Variants in ULBP2 observed in about 807,000 individuals in gnomAD.
The protein encoded by ULBP2 is UL16-binding protein 2.
In ULBP2, 21 loss-of-function variants were observed where a neutral mutation model predicts 23.6. The ratio of observed to expected loss-of-function variants is 0.89; its 90% CI spans 0.63 to 1.28. The LOEUF is 1.28. Ranked by LOEUF, ULBP2 falls within the 50% of genes most tolerant of loss-of-function variation. The pLI is 0.00. For synonymous variants in ULBP2, 82 were observed against 112.8 expected, an observed-to-expected ratio of 0.73 and a Z score of 1.73; for missense variants, 251 against 306.0, an observed-to-expected ratio of 0.82 and a Z score of 1.34.
intron 2 of ULBP2, 43 bp downstream of exon 2, chr6:149,945,615 G>A: frequency 6.2e-7 from 1 of 1,613,894 alleles, no homozygotes; most frequent in South Asian, 1.1e-5. Flanking sequence ...CAGATACAGT[G>A]GTAGGTTAGA....
intron 2 of ULBP2, among the ~76,000 whole-genome samples, 166 bp from the exon 3 acceptor site, chr6:149,946,206 C>CAA (rs67763917): frequency 0.25 from 31,648 of 125,568 alleles, 4,241 homozygotes; most frequent in East Asian, 0.66. Context: ...GACCCTTTCT[C>CAA]AAAAAAAAAA....
At chr6:149,947,054 G>A (rs1026516932) in intron 3 of ULBP2, among the ~76,000 whole-genome samples, 1 of 151,930 alleles carries the variant, frequency 6.6e-6, no homozygotes, top group African/African-American at 2.4e-5. Flanking sequence ...CCCCAACTCT[G>A]GGGCATCACC....
chr6:149,946,923 G>C (rs1230470081), intron 3 of ULBP2, among the ~76,000 whole-genome samples: 2 of 152,096 alleles, frequency 1.3e-5, no homozygotes, highest in African/African-American at 4.8e-5. Context: ...AGGTGTCACT[G>C]TTTTCAGACC....
chr6:149,942,459 C>T (rs1472308557), intron 1 of ULBP2, among the ~76,000 whole-genome samples: 1 of 152,094 alleles, frequency 6.6e-6, no homozygotes, highest in Non-Finnish European at 1.5e-5. Flanking sequence ...CAGTCCCACC[C>T]GCCCTCGGGA....
intron 1 of ULBP2, among the ~76,000 whole-genome samples, chr6:149,942,532 C>T (rs1163748795): frequency 6.6e-6 from 1 of 152,120 alleles, no homozygotes; most frequent in East Asian, 1.9e-4. Context: ...CGGGATTCCA[C>T]AGGGACGCGA....
rs368437980 is a variant in ULBP2, at chr6:149,942,882, T to A, written c.85+725T>A. ...CCAGCAAACACACCCCAAGCTCCCC[T>A]CAGAACCTGTGCAGGGGGGATGGGA... On this transcript the variant is annotated intron_variant, in intron 1 of 4. Coordinates refer to ENST00000367351, the MANE Select transcript of ULBP2 (RefSeq NM_025217.4). Among the ~76,000 whole-genome samples the A allele has an allele frequency of 3.7e-3, 563 of 152,086 alleles. 2 individuals are homozygous for A. The highest frequency in any genetic ancestry group is 0.013 in the African/African-American group (536 of 41,456).
intron 1 of ULBP2, 135 bp downstream of exon 1, chr6:149,942,292 G>A: frequency 1.1e-6 from 1 of 922,194 alleles, no homozygotes; most frequent in Non-Finnish European, 1.5e-6. Context: ...GTTCAGTTCC[G>A]GTCGGCGGCT....
chr6:149,948,111 T>A (rs1031568743), intron 4 of ULBP2, among the ~76,000 whole-genome samples: 5 of 152,146 alleles, frequency 3.3e-5, no homozygotes, highest in Admixed American at 6.5e-5. Context: ...GCAGCTCCCC[T>A]GCCATCATCC....
At chr6:149,947,153 C>T (rs1778955430) in intron 3 of ULBP2, among the ~76,000 whole-genome samples, 167 bp from the exon 4 acceptor site, 1 of 151,950 alleles carries the variant, frequency 6.6e-6, no homozygotes, top group South Asian at 2.1e-4. Context: ...AAGACTCACC[C>T]CGTCTCCCTT....
rs1199058147 is a variant in ULBP2, at chr6:149,947,456, T to A, written c.*22+5T>A. The stretch of plus-strand genomic sequence containing the variant: ...GAGAGTCCTTTAGAGTGACAGGTAC[T>A]GTGGGCAGAATTGGAAGTGGAGCAA... On this transcript the variant is annotated splice_donor_5th_base_variant and intron_variant, in intron 4 of 4. Coordinates refer to ENST00000367351, the MANE Select transcript of ULBP2 (RefSeq NM_025217.4). The A allele has an allele frequency of 7.7e-7, 1 of 1,292,698 alleles. No homozygotes were observed. The highest frequency in any genetic ancestry group is 2.2e-5 in the Admixed American group (1 of 45,728). 80.1% of individuals were successfully genotyped at this position (1,292,698 alleles called of 1,614,324 possible).
intron 4 of ULBP2, among the ~76,000 whole-genome samples, chr6:149,947,903 G>C (rs1406331383): frequency 6.6e-6 from 1 of 151,812 alleles, no homozygotes; most frequent in South Asian, 2.1e-4. Flanking sequence ...AGAGATCTGG[G>C]TGTAATCCCA....
chr6:149,945,901 A>G (rs1778931334), intron 2 of ULBP2, among the ~76,000 whole-genome samples: 1 of 144,330 alleles, frequency 6.9e-6, no homozygotes, highest in Non-Finnish European at 1.5e-5. Flanking sequence ...AGGTGGTGCC[A>G]CTGCACTCCA....
chr6:149,943,313 C>T (rs1387327505), intron 1 of ULBP2, among the ~76,000 whole-genome samples: 1 of 152,106 alleles, frequency 6.6e-6, no homozygotes, highest in African/African-American at 2.4e-5. Flanking sequence ...GGTGGTCCTA[C>T]CTTGTCTGTG....
In ULBP2 at chr6:149,946,453, A is replaced by G. The variant is rs769474559; in HGVS notation, c.431A>G (p.Asp144Gly). Residue 144 changes from aspartate (D) to glycine (G), a missense_variant, in exon 3 of 5, where the codon GAT (aspartate) becomes GGT (glycine). By Grantham distance (94) the Asp-to-Gly change is moderately conservative. This residue lies in a region of ULBP2 where 248 missense variants were observed against 258.9 expected (regional missense o/e 0.96). Coordinates refer to ENST00000367351, the MANE Select transcript of ULBP2 (RefSeq NM_025217.4). ...AGTGGATCTTGGCAGTTCAGTTTCG[A>G]TGGGCAGATCTTCCTCCTCTTTGAC... is the stretch of plus-strand genomic sequence containing the variant. ...HSSGSWQFSF[D>G]GQIFLLFDSE... 1.2e-6 allele frequency: 2 copies of G among 1,614,208 alleles called. No individual in the cohort carries two copies. Among genetic ancestry groups the G allele is most frequent in the Non-Finnish European group, 8.5e-7 (1 of 1,180,040 alleles).
rs1039644547 is a variant in ULBP2 at position 149,942,557 on chromosome 6, A to G, written c.85+400A>G. Among the ~76,000 whole-genome samples, 75 of 152,016 alleles carry G rather than the reference A, an allele frequency of 4.9e-4. 1 individual carries two copies. The highest frequency in any genetic ancestry group is 1.8e-3 in the African/African-American group (74 of 41,500). On this transcript the variant is annotated intron_variant, in intron 1 of 4. Coordinates refer to ENST00000367351, the MANE Select transcript of ULBP2 (RefSeq NM_025217.4). ...CAGGGACGCGATCACAGACACCCCC[A>G]CCAGCCACAGGCCTGCTCTGCTCTC...
In ULBP2 at chr6:149,946,657, A is replaced by G; in HGVS notation, c.631+4A>G. On this transcript the variant is annotated splice_donor_region_variant and intron_variant, in intron 3 of 4. Transcript: ENST00000367351. Reference sequence around the variant, plus strand: ...ACCCTGGAGCCAAGTGCAGGAGGTAACAGGAGAAAAAGAAACGGGGATCTC... The same window carrying G: ...ACCCTGGAGCCAAGTGCAGGAGGTAGCAGGAGAAAAAGAAACGGGGATCTC... The G allele has an allele frequency of 6.2e-7, 1 of 1,612,920 alleles. No homozygotes were observed.
At chr6:149,947,176 C>G in intron 3 of ULBP2, 144 bp from the exon 4 acceptor site, 2 of 1,483,268 alleles carry the variant, frequency 1.3e-6, no homozygotes, top group Non-Finnish European at 9.2e-7. Context: ...TAAGCCAGGA[C>G]CTGTCATACT....
chr6:149,942,662 C>A (rs56985227), intron 1 of ULBP2, among the ~76,000 whole-genome samples: 3,628 of 152,198 alleles, frequency 0.024, 169 homozygotes, highest in African/African-American at 0.084. Context: ...TTCCTGTAGA[C>A]ACTCACCTGC....
Position 149,945,417 on chromosome 6 carries a change from A to G in ULBP2, c.194A>G (p.Asp65Gly). Reference sequence around the variant, plus strand: ...GATGAAAAGACTTTTCTTCACTATGACTGTGGCAACAAGACAGTCACACCT... The same window carrying G: ...GATGAAAAGACTTTTCTTCACTATGGCTGTGGCAACAAGACAGTCACACCT... ...QVDEKTFLHY[D>G]CGNKTVTPVS... Residue 65 changes from aspartate (D) to glycine (G), a missense_variant, in exon 2 of 5, where the codon GAC (aspartate) becomes GGC (glycine). Physicochemically the swap from Asp to Gly is moderately conservative, Grantham distance 94. Coordinates refer to ENST00000367351, the MANE Select transcript of ULBP2 (RefSeq NM_025217.4). The G allele has an allele frequency of 6.2e-7, 1 of 1,613,912 alleles. No individual in the cohort carries two copies.
Sources: gnomAD v4.1 joint callset for allele counts (sites outside exome capture counted in the v4.1 genomes callset) on GRCh38, gnomAD v4.1.1 for gene constraint, gnomAD v4.1.1 regional missense constraint, MANE v1.5 for transcripts, NCBI Gene and HGNC (gene_info 2026-07-23, HGNC 2026-07-21) for gene names.